The following GRIK3 variants were observed in gnomAD, a reference collection of about 807,000 sequenced individuals.
GRIK3 encodes the protein glutamate ionotropic receptor kainate type subunit 3.
In GRIK3, 29 loss-of-function variants were observed where a neutral mutation model predicts 102.5. The observed-to-expected ratio is 0.28, with a 90% CI of 0.21 to 0.39. GRIK3 has a LOEUF of 0.39. GRIK3 is among the 10% of genes least tolerant of loss of function. The probability of loss-of-function intolerance (pLI) is 1.00; values close to 1 mark genes in which losing one functional copy is unlikely to be tolerated. For synonymous variants in GRIK3, 511 were observed against 504.9 expected (o/e 1.01, Z -0.16); for missense variants, 908 against 1,252.4 (o/e 0.73, Z 4.15).
chr1:36,925,048 C>T (rs1303209886), intron 1 of GRIK3, among the ~76,000 whole-genome samples: 1 of 152,194 alleles, frequency 6.6e-6, no homozygotes, highest in African/African-American at 2.4e-5. Flanking sequence ...AAATGGTAGA[C>T]AGTATCATGC....
At position 36,931,066 on chromosome 1, in the gene GRIK3, T is replaced by C. The variant is rs1465049925; in HGVS notation, c.116-39970A>G. Among the ~76,000 whole-genome samples the C allele has an allele frequency of 2.0e-5, 3 of 152,204 alleles. No individual in the cohort carries two copies. The East Asian group carries it at 5.8e-4, about 29-fold the overall frequency. ...TTCTGGTCACCATTGCAGCAGCTGA[T>C]GGAGTCAAGCTCAGCAGAGTCTCCC... On this transcript the variant is annotated intron_variant, in intron 1 of 15. Coordinates refer to ENST00000373091, the MANE Select transcript of GRIK3 (RefSeq NM_000831.4).
At chr1:36,985,857 T>C (rs928886497) in intron 1 of GRIK3, among the ~76,000 whole-genome samples, 2 of 152,100 alleles carry the variant, frequency 1.3e-5, no homozygotes, top group African/African-American at 4.8e-5. Flanking sequence ...TTGGGGCCCT[T>C]CTCTGTCCGA....
intron 1 of GRIK3, among the ~76,000 whole-genome samples, chr1:37,001,619 A>G (rs1291005525): frequency 1.3e-5 from 2 of 152,206 alleles, no homozygotes; most frequent in Non-Finnish European, 2.9e-5. Flanking sequence ...AAGAAAAAAA[A>G]AACGTGGATC....
chr1:37,003,097 C>CAAATG (rs1431472753), intron 1 of GRIK3, among the ~76,000 whole-genome samples: 6 of 148,990 alleles, frequency 4.0e-5, no homozygotes, highest in Non-Finnish European at 8.9e-5. Context: ...TCCCTTTTCC[C>CAAATG]TTTGGCCACC....
chr1:36,869,943 C>A, intron 4 of GRIK3, 142 bp from the exon 5 acceptor site: 1 of 671,938 alleles, frequency 1.5e-6, no homozygotes, highest in Non-Finnish European at 2.7e-6. Context: ...GAGACCACCT[C>A]TGAACAGTGA....
At chr1:36,982,136 G>A (rs910195868) in intron 1 of GRIK3, among the ~76,000 whole-genome samples, 3 of 152,140 alleles carry the variant, frequency 2.0e-5, no homozygotes, top group African/African-American at 2.4e-5. Context: ...CATCCCACGC[G>A]GCATGTCTCC....
In GRIK3 at chr1:36,828,848, G is replaced by A. The variant is rs902864288; in HGVS notation, c.1531-3022C>T. On this transcript the variant is annotated intron_variant, in intron 10 of 15. Coordinates refer to ENST00000373091, the MANE Select transcript of GRIK3 (RefSeq NM_000831.4). ...TTATGGCTGGGGGACTGAGCTGTTTGTAGCCAATGATTATTCCAAGGGCTG... is the reference window on the plus strand; with the variant it reads ...TTATGGCTGGGGGACTGAGCTGTTTATAGCCAATGATTATTCCAAGGGCTG... Among the ~76,000 whole-genome samples, 5 of 152,332 alleles carry A rather than the reference G, an allele frequency of 3.3e-5. No individual in the cohort carries two copies. The East Asian group carries it at 9.6e-4, about 29-fold the overall frequency.
chr1:36,946,998 A>G lies in GRIK3; in HGVS notation c.116-55902T>C, dbSNP rs530640336. On this transcript the variant is annotated intron_variant, in intron 1 of 15. Coordinates refer to ENST00000373091, the MANE Select transcript of GRIK3 (RefSeq NM_000831.4). Reference sequence around the variant, plus strand: ...AGATGAAAGCAGAGGAGAAGCCCAGATACTTGGGATTTGGACCGTGGAGTT... The same window carrying G: ...AGATGAAAGCAGAGGAGAAGCCCAGGTACTTGGGATTTGGACCGTGGAGTT... Among the ~76,000 whole-genome samples the G allele has an allele frequency of 8.3e-4, 127 of 152,280 alleles. 1 individual carries two copies. Among genetic ancestry groups the G allele is most frequent in the African/African-American group, 2.9e-3 (120 of 41,564 alleles).
chr1:36,892,393 C>T (rs1000910048), intron 1 of GRIK3, among the ~76,000 whole-genome samples: 1 of 152,004 alleles, frequency 6.6e-6, no homozygotes, highest in Non-Finnish European at 1.5e-5. Context: ...CCCAACACTT[C>T]CAGAGGCCGA....
At chr1:36,920,061 G>A (rs1433155314) in intron 1 of GRIK3, among the ~76,000 whole-genome samples, 3 of 152,258 alleles carry the variant, frequency 2.0e-5, no homozygotes, top group Non-Finnish European at 4.4e-5. Context: ...CCACGGCTGA[G>A]AAGAAATGGC....
intron 1 of GRIK3, among the ~76,000 whole-genome samples, chr1:37,020,902 C>A (rs1040159751): frequency 6.6e-6 from 1 of 152,184 alleles, no homozygotes; most frequent in South Asian, 2.1e-4. Flanking sequence ...GGGTGTCTCT[C>A]AATCTCCCTG....
At chr1:36,941,063 T>C (rs928788677) in intron 1 of GRIK3, among the ~76,000 whole-genome samples, 6 of 152,236 alleles carry the variant, frequency 3.9e-5, no homozygotes, top group Admixed American at 3.3e-4. Context: ...GTAAGTGGTT[T>C]CTTGGGTCTC....
rs1417238867 is a variant in GRIK3, at chr1:36,806,075, A to G, written c.2314+29T>C. 6.8e-7 allele frequency: 1 copy of G among 1,479,854 alleles called. No individual in the cohort carries two copies. The highest frequency in any genetic ancestry group is 9.4e-7 in the Non-Finnish European group (1 of 1,067,396). 91.7% of individuals were successfully genotyped at this position (1,479,854 alleles called of 1,614,324 possible). The stretch of plus-strand genomic sequence containing the variant: ...GAGCCCTCCCTCTGCCCACACACCC[A>G]CCCCTCCCACAGGCAGCCCCTCGCT... On this transcript the variant is annotated intron_variant, in intron 14 of 15. Coordinates refer to ENST00000373091, the MANE Select transcript of GRIK3 (RefSeq NM_000831.4). This position sits in a 1 kb window ranked among gnomAD's most constrained non-coding sequence, Gnocchi z 4.0.
At chr1:37,020,889 T>A (rs1642703973) in intron 1 of GRIK3, among the ~76,000 whole-genome samples, 1 of 151,806 alleles carries the variant, frequency 6.6e-6, no homozygotes, top group South Asian at 2.1e-4. Flanking sequence ...AACACAGAGG[T>A]TGGGGTGTCT....
chr1:36,940,269 C>T (rs502593), intron 1 of GRIK3, among the ~76,000 whole-genome samples: 2,998 of 152,314 alleles, frequency 0.02, 100 homozygotes, highest in African/African-American at 0.068. Flanking sequence ...GTCCTGTGGC[C>T]CTGGTAGCCC....
At chr1:36,862,958 C>A (rs1315245331) in intron 5 of GRIK3, among the ~76,000 whole-genome samples, 1 of 152,112 alleles carries the variant, frequency 6.6e-6, no homozygotes, top group Non-Finnish European at 1.5e-5. Context: ...TGTCTTCCTA[C>A]CTTACTCGTC....
At chr1:36,862,845 A>G (rs771321820) in intron 5 of GRIK3, among the ~76,000 whole-genome samples, 6 of 152,220 alleles carry the variant, frequency 3.9e-5, no homozygotes, top group Admixed American at 1.3e-4. Flanking sequence ...GGACATATCA[A>G]ACATCATGTA....
At chr1:36,986,372 C>T (rs960269712) in intron 1 of GRIK3, among the ~76,000 whole-genome samples, 9 of 151,172 alleles carry the variant, frequency 6.0e-5, no homozygotes, top group Non-Finnish European at 1.2e-4. Flanking sequence ...TCCGTCAGTC[C>T]GCCCATCCAT....
At chr1:36,889,688 C>T (rs377470387) in intron 2 of GRIK3, among the ~76,000 whole-genome samples, 31 of 152,080 alleles carry the variant, frequency 2.0e-4, no homozygotes, top group African/African-American at 6.3e-4. Context: ...GAAGTAACTC[C>T]GGGAGGGCTC....
Sources: allele counts gnomAD v4.1 joint callset (sites outside exome capture counted in the v4.1 genomes callset), GRCh38; gene constraint gnomAD v4.1.1; non-coding constraint Gnocchi (gnomAD v3.1); transcripts MANE v1.5; gene names NCBI Gene and HGNC (gene_info 2026-07-23, HGNC 2026-07-21).